The following HOXB6 variants were observed in gnomAD, a reference collection of about 807,000 sequenced individuals.
The protein encoded by HOXB6 is homeobox protein Hox-B6.
Under a neutral mutation model 24.2 loss-of-function variants are expected in HOXB6, and 18 were observed. The observed-to-expected ratio is 0.74, with a 90% CI of 0.51 to 1.10. The LOEUF (loss-of-function observed/expected upper bound fraction) is 1.10, where lower values mean the gene tolerates loss of function less well. Ranked by LOEUF, HOXB6 falls within the 50% of genes least tolerant of loss-of-function variation. The probability of loss-of-function intolerance (pLI) is 0.00; values close to 1 mark genes in which losing one functional copy is unlikely to be tolerated. For missense variants in HOXB6, 332 were observed against 308.3 expected, an observed-to-expected ratio of 1.08 and a Z score of -0.58; for synonymous variants, 159 against 139.1, an observed-to-expected ratio of 1.14 and a Z score of -1.01.
chr17:48,601,833 G>A, intron 2 of HOXB6: 4 of 224,308 alleles, frequency 1.8e-5, no homozygotes, highest in Non-Finnish European at 2.7e-5. Flanking sequence ...CACCTTTAAA[G>A]GAACTGCCAG....
chr17:48,597,939 G>C lies in HOXB6; in HGVS notation c.212C>G (p.Pro71Arg). Residue 71 changes from proline to arginine, a missense_variant, in exon 3 of 4, where the codon CCC becomes CGC. Coordinates refer to ENST00000225648, the MANE Select transcript of HOXB6 (RefSeq NM_018952.5). Reference sequence around the variant, plus strand: ...GGCCGGCGCCGGCCCGTAGTCGCAGGGCGCCGCTCGGCCGTAGCCACCGCC... The same window carrying C: ...GGCCGGCGCCGGCCCGTAGTCGCAGCGCGCCGCTCGGCCGTAGCCACCGCC... ...PAGGGYGRAA[P>R]CDYGPAPAFY... 1 of 1,571,748 alleles carries C rather than the reference G, an allele frequency of 6.4e-7. No homozygotes were observed. The highest frequency in any genetic ancestry group is 2.4e-5 in the East Asian group (1 of 42,102).
chr17:48,596,433 C>T lies in HOXB6; in HGVS notation c.655G>A (p.Glu219Lys), dbSNP rs1410596271. Reference protein sequence around the residue: ...SASQLSAEEEEEKQAE With the variant: ...SASQLSAEEEKEKQAE ...CACCTTCACTCGGCCTGTTTTTCTT[C>T]CTCCTCCTCGGCACTGAGCTGAGAC... Residue 219 changes from glutamate (E) to lysine (K), a missense_variant, in exon 4 of 4, where the codon GAA becomes AAA. Physicochemically the swap from Glu to Lys is moderately conservative, Grantham distance 56. Transcript: ENST00000225648. This position sits in a 1 kb window ranked among gnomAD's most constrained non-coding sequence, Gnocchi z 4.8. 1 of 1,614,136 alleles carries T rather than the reference C, an allele frequency of 6.2e-7. No homozygotes were observed. The highest frequency in any genetic ancestry group is 8.5e-7 in the Non-Finnish European group (1 of 1,179,938).
intron 3 of HOXB6, chr17:48,597,169 C>G (rs1038476925): frequency 1.3e-6 from 1 of 786,996 alleles, no homozygotes; most frequent in African/African-American, 1.8e-5. Context: ...GTTTCTCCCT[C>G]TCTCGCTCCG....
chr17:48,603,550 C>T (rs897632630), intron 2 of HOXB6, among the ~76,000 whole-genome samples: 1 of 152,202 alleles, frequency 6.6e-6, no homozygotes, highest in Non-Finnish European at 1.5e-5. Context: ...AGGCACTTAA[C>T]AGCTTCTTCA....
At chr17:48,597,430 CCAGTGACTG>C (rs1201822084) in intron 3 of HOXB6, among the ~76,000 whole-genome samples, 3 of 152,146 alleles carry the variant, frequency 2.0e-5, no homozygotes, top group African/African-American at 7.2e-5. Context: ...TAAAGCCAAG[CCAGTGACTG>C]CAGGCTCCTG....
rs770170127 is a variant in HOXB6, at chr17:48,596,418, C to T, written c.670G>A (p.Glu224Lys). 8.7e-6 allele frequency: 14 copies of T among 1,614,120 alleles called. No homozygotes were observed. In the East Asian group the frequency reaches 2.7e-4, roughly 31 times the overall value. Reference protein sequence around the residue: ...SAEEEEEKQAE With the variant: ...SAEEEEEKQAK Reference sequence around the variant, plus strand: ...TCCCTCCCTTTCCAGCACCTTCACTCGGCCTGTTTTTCTTCCTCCTCCTCG... The same window carrying T: ...TCCCTCCCTTTCCAGCACCTTCACTTGGCCTGTTTTTCTTCCTCCTCCTCG... The change falls in exon 4 of 4, where the codon GAG becomes AAG. Residue 224 changes from glutamate (E) to lysine (K), a missense_variant. Physicochemically the swap from Glu to Lys is moderately conservative, Grantham distance 56. Transcript: ENST00000225648. This position sits in a 1 kb window ranked among gnomAD's most constrained non-coding sequence, Gnocchi z 4.8.
At position 48,599,798 on chromosome 17, in the gene HOXB6, G is replaced by C. The variant is rs77605484; in HGVS notation, c.-78-1570C>G. Among the ~76,000 whole-genome samples the C allele has an allele frequency of 2.4e-3, 361 of 152,322 alleles. 2 individuals are homozygous for C. The highest frequency in any genetic ancestry group is 8.3e-3 in the African/African-American group (343 of 41,566). ...GGGGACAAGAAGGGGCCAGGGCATG[G>C]AACAAAGTCAGATGTCAGGCCAGGC... On this transcript the variant is annotated intron_variant, in intron 2 of 3. Coordinates refer to ENST00000225648, the MANE Select transcript of HOXB6 (RefSeq NM_018952.5).
chr17:48,599,843 C>T (rs1284346663), intron 2 of HOXB6, among the ~76,000 whole-genome samples: 3 of 152,192 alleles, frequency 2.0e-5, no homozygotes, highest in African/African-American at 7.2e-5. Flanking sequence ...TCTGCCTTGT[C>T]CTTCCTTTGG....
Position 48,595,920 on chromosome 17 carries a change from C to A in HOXB6, c.*493G>T. On this transcript the variant is annotated 3_prime_UTR_variant, in exon 4 of 4. Coordinates refer to ENST00000225648, the MANE Select transcript of HOXB6 (RefSeq NM_018952.5). Reference sequence around the variant, plus strand: ...TAGAACTTTGTTTTCTTCTGAGGCTCCTCTTCTTACTTCTAGGTAGTATGT... The same window carrying A: ...TAGAACTTTGTTTTCTTCTGAGGCTACTCTTCTTACTTCTAGGTAGTATGT... 1 of 340,038 alleles carries A rather than the reference C, an allele frequency of 2.9e-6. No individual in the cohort carries two copies. The highest frequency in any genetic ancestry group is 5.8e-6 in the Non-Finnish European group (1 of 171,558). 21.1% of individuals were successfully genotyped at this position (340,038 alleles called of 1,614,324 possible).
At chr17:48,602,641 GCCCGAAATCC>G (rs1163612893) in intron 2 of HOXB6, 3 of 173,276 alleles carry the variant, frequency 1.7e-5, no homozygotes, top group Non-Finnish European at 2.5e-5. Flanking sequence ...GTCGGTGTGG[GCCCGAAATCC>G]CCCGAATCCC....
intron 2 of HOXB6, chr17:48,601,556 C>T (rs1456186881): frequency 1.3e-5 from 2 of 153,402 alleles, no homozygotes; most frequent in East Asian, 1.9e-4. Context: ...GGCTGGCTCC[C>T]TCAGGGCCTC....
chr17:48,602,583 A>G (rs1182498145), intron 2 of HOXB6: 2 of 215,142 alleles, frequency 9.3e-6, no homozygotes, highest in East Asian at 2.4e-4. Context: ...TGGAGGAGAG[A>G]CTTCTGTTCT....
In HOXB6 at chr17:48,596,725, C is replaced by A; in HGVS notation, c.416-53G>T. ...CCTGCGGTCACCGGGCCCAGGACCCCCTCCCCTAGTCGACCCTCGAACACA... is the reference window on the plus strand; with the variant it reads ...CCTGCGGTCACCGGGCCCAGGACCCACTCCCCTAGTCGACCCTCGAACACA... On this transcript the variant is annotated intron_variant, in intron 3 of 3. Transcript: ENST00000225648. This position sits in a 1 kb window ranked among gnomAD's most constrained non-coding sequence, Gnocchi z 4.8. 6.2e-7 allele frequency: 1 copy of A among 1,602,452 alleles called. No homozygotes were observed.
In HOXB6 at chr17:48,598,117, C is replaced by G; in HGVS notation, c.34G>C (p.Val12Leu). The change falls in exon 3 of 4, where the codon GTC (valine) becomes CTC (leucine). Residue 12 changes from valine to leucine, a missense_variant. Coordinates refer to ENST00000225648, the MANE Select transcript of HOXB6 (RefSeq NM_018952.5). ...SSYFVNSTFPVTLASGQESFL... is the reference protein window; with the variant it reads ...SSYFVNSTFPLTLASGQESFL... ...GACTCCTGCCCGCTGGCCAGAGTGA[C>G]GGGGAAGGTGGAGTTCACGAAATAG... The G allele has an allele frequency of 2.5e-6, 4 of 1,595,884 alleles. No individual in the cohort carries two copies. The highest frequency in any genetic ancestry group is 1.1e-5 in the South Asian group (1 of 89,864).
chr17:48,598,381 C>T, intron 2 of HOXB6, 153 bp from the exon 3 acceptor site: 1 of 485,804 alleles, frequency 2.1e-6, no homozygotes, highest in Non-Finnish European at 3.6e-6. Context: ...GCAGCCCGCA[C>T]GAGGGACCCG....
intron 2 of HOXB6, among the ~76,000 whole-genome samples, chr17:48,599,991 G>A (rs2070419370): frequency 6.6e-6 from 1 of 152,122 alleles, no homozygotes; most frequent in Non-Finnish European, 1.5e-5. Flanking sequence ...CTAAACTCAG[G>A]GCAACTTCTT....
intron 1 of HOXB6, 96 bp downstream of exon 1, chr17:48,604,761 ATTAAC>A (rs2144987913): frequency 1.3e-5 from 2 of 152,310 alleles, no homozygotes; most frequent in South Asian, 4.1e-4. Context: ...CAGTGAGCAA[ATTAAC>A]TTAGGAATCA....
At position 48,604,894 on chromosome 17, in the gene HOXB6, A is replaced by G. The variant is rs2070546914; in HGVS notation, c.-247T>C. 7.0e-6 allele frequency: 1 copy of G among 143,260 alleles called. No individual in the cohort carries two copies. The highest frequency in any genetic ancestry group is 1.5e-5 in the Non-Finnish European group (1 of 66,666). The allele number at this position is 143,260 out of a possible 1,614,324, so 8.9% of individuals were successfully genotyped here. On this transcript the variant is annotated 5_prime_UTR_variant, in exon 1 of 4. Transcript: ENST00000225648. ...TCTCGTCCTCTCTCTCTTTTGCTCT[A>G]TCGAGCTGATACTGAAGTACAAAAA...
intron 2 of HOXB6, chr17:48,604,171 C>G (rs1377048250): frequency 6.6e-6 from 1 of 151,946 alleles, no homozygotes; most frequent in Non-Finnish European, 1.5e-5. Context: ...AGCCCAGATA[C>G]CCCCCATCCT....
Sources: allele counts gnomAD v4.1 joint callset (sites outside exome capture counted in the v4.1 genomes callset), GRCh38; gene constraint gnomAD v4.1.1; non-coding constraint Gnocchi (gnomAD v3.1); transcripts MANE v1.5; gene names NCBI Gene and HGNC (gene_info 2026-07-23, HGNC 2026-07-21).